NTM: variants seen among roughly 807,000 people sequenced by gnomAD.
The protein encoded by NTM is neurotrimin.
Under a neutral mutation model 42.1 loss-of-function variants are expected in NTM, and 13 were observed. The observed-to-expected ratio is 0.31, with a 90% CI of 0.20 to 0.49. The LOEUF is 0.49. Among genes scored for constraint, NTM ranks in the 20% least tolerant of loss-of-function variants. The probability of loss-of-function intolerance (pLI) is 0.99; values close to 1 mark genes in which losing one functional copy is unlikely to be tolerated. For synonymous variants in NTM, 187 were observed against 179.2 expected, an observed-to-expected ratio of 1.04 and a Z score of -0.35; for missense variants, 373 against 452.8, an observed-to-expected ratio of 0.82 and a Z score of 1.60.
intron 2 of NTM, among the ~76,000 whole-genome samples, chr11:131,998,086 T>A (rs2068427666): frequency 6.6e-6 from 1 of 152,138 alleles, no homozygotes; most frequent in Admixed American, 6.6e-5. Flanking sequence ...ACAGACCATT[T>A]AGACTTTAAG....
intron 1 of NTM, among the ~76,000 whole-genome samples, chr11:131,407,638 A>G (rs1240264718): frequency 1.3e-5 from 2 of 152,228 alleles, no homozygotes; most frequent in African/African-American, 4.8e-5. Flanking sequence ...GGGCTTTGTC[A>G]TACTTTCTGC....
intron 1 of NTM, among the ~76,000 whole-genome samples, chr11:131,506,734 G>A (rs1379131236): frequency 6.6e-6 from 1 of 152,200 alleles, no homozygotes; most frequent in East Asian, 1.9e-4. Flanking sequence ...TGGGAAAAGT[G>A]CTCTTCACTT....
chr11:131,679,523 G>A (rs1355433223), intron 1 of NTM, among the ~76,000 whole-genome samples: 4 of 152,006 alleles, frequency 2.6e-5, no homozygotes, highest in African/African-American at 9.7e-5. Context: ...GGACACAGAA[G>A]TGCGGGCATG....
At chr11:132,088,510 T>C (rs919992640) in intron 2 of NTM, among the ~76,000 whole-genome samples, 1 of 151,938 alleles carries the variant, frequency 6.6e-6, no homozygotes, top group South Asian at 2.1e-4. Flanking sequence ...AAGAAAGCTG[T>C]CAACAAAAAA....
chr11:131,925,001 G>A (rs746375926), intron 2 of NTM, among the ~76,000 whole-genome samples: 6 of 152,200 alleles, frequency 3.9e-5, no homozygotes, highest in Admixed American at 3.3e-4. Flanking sequence ...TCAAACGGAA[G>A]TCTCAAATGT....
intron 1 of NTM, among the ~76,000 whole-genome samples, chr11:131,739,470 T>C (rs964784213): frequency 1.3e-5 from 2 of 152,114 alleles, no homozygotes; most frequent in African/African-American, 4.8e-5. Flanking sequence ...TCCAGCATAG[T>C]GAGAAAGGTT....
chr11:131,982,066 CA>C (rs1204319124), intron 2 of NTM, among the ~76,000 whole-genome samples: 1 of 151,494 alleles, frequency 6.6e-6, no homozygotes, highest in Non-Finnish European at 1.5e-5. Flanking sequence ...CCACAGAAAA[CA>C]ACACAACAAA....
At chr11:131,833,323 A>G (rs1485619237) in intron 1 of NTM, among the ~76,000 whole-genome samples, 1 of 152,196 alleles carries the variant, frequency 6.6e-6, no homozygotes, top group African/African-American at 2.4e-5. Context: ...ATATCTAACA[A>G]TTGGCAGACA....
At chr11:131,766,914 C>T (rs929793714) in intron 1 of NTM, among the ~76,000 whole-genome samples, 1 of 152,216 alleles carries the variant, frequency 6.6e-6, no homozygotes, top group Non-Finnish European at 1.5e-5. Flanking sequence ...CCTCACTTCA[C>T]CTTCACTAGG....
intron 1 of NTM, among the ~76,000 whole-genome samples, chr11:131,591,646 T>C (rs1032793784): frequency 1.3e-5 from 2 of 152,212 alleles, no homozygotes; most frequent in African/African-American, 2.4e-5. Flanking sequence ...CCCAACTCTG[T>C]TGCCTTCAGT....
intron 7 of NTM, among the ~76,000 whole-genome samples, chr11:132,320,061 T>G (rs1459537903): frequency 6.6e-6 from 1 of 152,186 alleles, no homozygotes; most frequent in African/African-American, 2.4e-5. Flanking sequence ...GGGTCCTGTC[T>G]GTTACAAGGA....
At chr11:131,584,912 C>A (rs1014452302) in intron 1 of NTM, among the ~76,000 whole-genome samples, 1 of 151,850 alleles carries the variant, frequency 6.6e-6, no homozygotes, top group Non-Finnish European at 1.5e-5. Context: ...TGCCAGGATC[C>A]GCTTGGCAAA....
intron 1 of NTM, among the ~76,000 whole-genome samples, chr11:131,775,370 T>G (rs1189888456): frequency 6.6e-6 from 1 of 152,234 alleles, no homozygotes; most frequent in Non-Finnish European, 1.5e-5. Context: ...GCATATCACT[T>G]GCTTAACAAG....
intron 1 of NTM, among the ~76,000 whole-genome samples, chr11:131,549,829 C>T (rs1255573566): frequency 6.6e-6 from 1 of 152,208 alleles, no homozygotes; most frequent in African/African-American, 2.4e-5. Flanking sequence ...TTAAATTCTG[C>T]CCCAAAGATG....
intron 2 of NTM, among the ~76,000 whole-genome samples, chr11:132,095,604 A>G (rs2060877446): frequency 6.6e-6 from 1 of 152,196 alleles, no homozygotes; most frequent in Non-Finnish European, 1.5e-5. Context: ...TGTCCATTTC[A>G]GGCTGAGTTT....
intron 4 of NTM, among the ~76,000 whole-genome samples, chr11:132,232,225 G>A (rs1337638860): frequency 6.6e-6 from 1 of 152,200 alleles, no homozygotes; most frequent in Non-Finnish European, 1.5e-5. Context: ...GAAAGGAGGT[G>A]CTTGCCAAGC....
intron 2 of NTM, among the ~76,000 whole-genome samples, chr11:132,029,436 C>T (rs2075636491): frequency 1.4e-5 from 2 of 146,968 alleles, no homozygotes; most frequent in South Asian, 2.2e-4. Context: ...TGAGAACATG[C>T]GGTGTTTGGT....
At chr11:131,526,065 TGCTCTG>T (rs1403826344) in intron 1 of NTM, among the ~76,000 whole-genome samples, 1 of 145,668 alleles carries the variant, frequency 6.9e-6, no homozygotes, top group Non-Finnish European at 1.5e-5. Context: ...GGTGCAGGTG[TGCTCTG>T]GCTCAATCCT....
chr11:131,611,492 A>G (rs906111206), intron 1 of NTM, among the ~76,000 whole-genome samples: 1 of 152,188 alleles, frequency 6.6e-6, no homozygotes, highest in Admixed American at 6.6e-5. Flanking sequence ...CTCTGTGTGG[A>G]ATCAGATTGC....
Sources: gnomAD v4.1 joint callset for allele counts (sites outside exome capture counted in the v4.1 genomes callset) on GRCh38, gnomAD v4.1.1 for gene constraint, MANE v1.5 for transcripts, NCBI Gene and HGNC (gene_info 2026-07-23, HGNC 2026-07-21) for gene names.